Variants in DNAJC11 observed in about 807,000 individuals in gnomAD.
DNAJC11 encodes the protein DnaJ heat shock protein family (Hsp40) member C11.
In DNAJC11, 15 loss-of-function variants were observed where a neutral mutation model predicts 78.6. That is an observed-to-expected ratio of 0.19 (90% CI 0.13 to 0.29). The LOEUF is 0.29. DNAJC11 is among the 10% of genes least tolerant of loss of function. DNAJC11 has a pLI of 1.00. For missense variants in DNAJC11, 547 were observed against 709.6 expected, an observed-to-expected ratio of 0.77 and a Z score of 2.60; for synonymous variants, 292 against 272.1, an observed-to-expected ratio of 1.07 and a Z score of -0.72.
Position 6,645,967 on chromosome 1 carries a change from G to A in DNAJC11, c.716C>T (p.Thr239Ile). ...RNLTPRCFVT[T>I]NCALQFSSRG... The stretch of plus-strand genomic sequence containing the variant: ...GGATGAAAACTGCAGAGCACAGTTT[G>A]TTGTCACAAAGCTGGAGAGACACAG... Residue 239 changes from threonine to isoleucine, a missense_variant, in exon 8 of 16, where the codon ACA (threonine) becomes ATA (isoleucine). Coordinates refer to ENST00000377577, the MANE Select transcript of DNAJC11 (RefSeq NM_018198.4). This position sits in a 1 kb window ranked among gnomAD's most constrained non-coding sequence, Gnocchi z 4.1. 3 of 1,614,106 alleles carry A rather than the reference G, an allele frequency of 1.9e-6. No individual in the cohort carries two copies. The highest frequency in any genetic ancestry group is 2.5e-6 in the Non-Finnish European group (3 of 1,179,978).
At chr1:6,681,679 C>T (rs892993112) in intron 1 of DNAJC11, among the ~76,000 whole-genome samples, 5 of 152,078 alleles carry the variant, frequency 3.3e-5, no homozygotes, top group East Asian at 1.9e-4. Flanking sequence ...ACAAGGCAGA[C>T]GGGCTCTGGT....
At chr1:6,678,239 A>G (rs1642502961) in intron 3 of DNAJC11, among the ~76,000 whole-genome samples, 155 bp downstream of exon 3, 1 of 152,154 alleles carries the variant, frequency 6.6e-6, no homozygotes, top group Non-Finnish European at 1.5e-5. Flanking sequence ...CAAGTCCAAA[A>G]CTCAACCTCT....
intron 2 of DNAJC11, among the ~76,000 whole-genome samples, chr1:6,678,746 G>C (rs960137255): frequency 6.6e-6 from 1 of 152,120 alleles, no homozygotes; most frequent in Non-Finnish European, 1.5e-5. Flanking sequence ...TTGAATTCCT[G>C]GGCTTAACTA....
chr1:6,693,330 T>G (rs1642777445), intron 1 of DNAJC11, among the ~76,000 whole-genome samples: 1 of 152,168 alleles, frequency 6.6e-6, no homozygotes, highest in South Asian at 2.1e-4. Context: ...AAGTATGTCT[T>G]TCACATTTTT....
chr1:6,673,991 T>C (rs1642422141), intron 3 of DNAJC11, among the ~76,000 whole-genome samples: 1 of 152,198 alleles, frequency 6.6e-6, no homozygotes, highest in East Asian at 1.9e-4. Flanking sequence ...TAATCTAACA[T>C]CTGAAAGTGA....
rs190084862 is a variant in DNAJC11 at position 6,670,827 on chromosome 1, A to G, written c.277-3017T>C. On this transcript the variant is annotated intron_variant, in intron 3 of 15. Coordinates refer to ENST00000377577, the MANE Select transcript of DNAJC11 (RefSeq NM_018198.4). ...CTATCTACAGCACTCTCACTTGCCA[A>G]TACCACCCATCCTGACATAGACAAA... The G allele has an allele frequency of 7.9e-5, 12 of 152,304 alleles. No individual in the cohort carries two copies. In the East Asian group the frequency reaches 2.1e-3, roughly 27 times the overall value. The allele number at this position is 152,304 out of a possible 1,614,324, so 9.4% of individuals were successfully genotyped here. A position where few individuals can be genotyped will look rare whatever the true frequency, so the allele number is the denominator to read the frequency against.
intron 1 of DNAJC11, among the ~76,000 whole-genome samples, chr1:6,685,232 G>A (rs1227864414): frequency 1.3e-5 from 2 of 152,258 alleles, no homozygotes; most frequent in African/African-American, 2.4e-5. Flanking sequence ...GGCTAGGCTA[G>A]ATCAGTGGTT....
chr1:6,701,642 CG>C, intron 1 of DNAJC11, 86 bp downstream of exon 1: 1 of 1,367,022 alleles, frequency 7.3e-7, no homozygotes, highest in Non-Finnish European at 9.7e-7. Flanking sequence ...CCTCCCGTGG[CG>C]GGGGTGGGGC....
At chr1:6,652,707 G>C in intron 6 of DNAJC11, 122 bp downstream of exon 6, 1 of 1,320,286 alleles carries the variant, frequency 7.6e-7, no homozygotes. Context: ...CTTGACACTT[G>C]GTACCGTTCT....
At chr1:6,685,231 A>C (rs1348778623) in intron 1 of DNAJC11, among the ~76,000 whole-genome samples, 2 of 152,236 alleles carry the variant, frequency 1.3e-5, no homozygotes, top group Non-Finnish European at 2.9e-5. Context: ...AGGCTAGGCT[A>C]GATCAGTGGT....
At chr1:6,646,769 A>G (rs958420397) in intron 7 of DNAJC11, among the ~76,000 whole-genome samples, 1 of 152,276 alleles carries the variant, frequency 6.6e-6, no homozygotes, top group Non-Finnish European at 1.5e-5. Context: ...TGAAGGGTAA[A>G]CTAACAGCTG....
chr1:6,642,565 C>T (rs1317092595), intron 10 of DNAJC11, among the ~76,000 whole-genome samples: 1 of 152,078 alleles, frequency 6.6e-6, no homozygotes, highest in Non-Finnish European at 1.5e-5. Flanking sequence ...GGAGGCTGGG[C>T]GCTGTGGCTC....
chr1:6,697,498 C>T (rs1011371339), intron 1 of DNAJC11, among the ~76,000 whole-genome samples: 5 of 152,196 alleles, frequency 3.3e-5, no homozygotes, highest in African/African-American at 1.2e-4. Context: ...GGTTCATGCT[C>T]CTATGAGAAG....
intron 4 of DNAJC11, among the ~76,000 whole-genome samples, chr1:6,659,723 T>C (rs1044936691): frequency 3.3e-5 from 5 of 151,932 alleles, no homozygotes; most frequent in African/African-American, 1.2e-4. Flanking sequence ...ACAGTGCCAC[T>C]GCACTCCAGC....
intron 10 of DNAJC11, among the ~76,000 whole-genome samples, 199 bp downstream of exon 10, chr1:6,644,359 C>T (rs1641933619): frequency 6.6e-6 from 1 of 152,208 alleles, no homozygotes; most frequent in African/African-American, 2.4e-5. Flanking sequence ...GTCTCAAACT[C>T]CTGACCTCAG....
In DNAJC11 at chr1:6,652,959, TG is replaced by T. The variant is rs769115721; in HGVS notation, c.508-9del. ...TGTCGCTGTCAAGGGTGCCTAAAAA[TG>T]GTATTTGCTGGTAATGAATGAATCA... On this transcript the variant is annotated splice_polypyrimidine_tract_variant and intron_variant, in intron 5 of 15. Coordinates refer to ENST00000377577, the MANE Select transcript of DNAJC11 (RefSeq NM_018198.4). 4.9e-4 allele frequency: 798 copies of T among 1,613,938 alleles called. No individual in the cohort carries two copies. Among genetic ancestry groups the T allele is most frequent in the Non-Finnish European group, 6.3e-4 (744 of 1,179,930 alleles).
chr1:6,638,812 T>C (rs933092098), intron 11 of DNAJC11, among the ~76,000 whole-genome samples: 1 of 152,164 alleles, frequency 6.6e-6, no homozygotes. Flanking sequence ...CAGGCGTGAG[T>C]TGTTAAATAA....
chr1:6,654,058 C>T lies in DNAJC11; in HGVS notation c.379-19G>A, dbSNP rs774894835. 1.2e-6 allele frequency: 2 copies of T among 1,610,152 alleles called. No homozygotes were observed. The highest frequency in any genetic ancestry group is 2.2e-5 in the South Asian group (2 of 90,948). ...TCGTTCCCTGGGGCAGAAAAACAAG[C>T]CGTCAGCAGAACGGGTGGTATTTGT... On this transcript the variant is annotated intron_variant, in intron 4 of 15. Transcript: ENST00000377577.
At chr1:6,670,659 T>G (rs555014890) in intron 3 of DNAJC11, 1 of 152,206 alleles carries the variant, frequency 6.6e-6, no homozygotes, top group Non-Finnish European at 1.5e-5. Context: ...AAAAAGATTG[T>G]TAAAATCATC....
Sources: gnomAD v4.1 joint callset for allele counts (sites outside exome capture counted in the v4.1 genomes callset) on GRCh38, gnomAD v4.1.1 for gene constraint, Gnocchi (gnomAD v3.1) non-coding constraint, MANE v1.5 for transcripts, NCBI Gene and HGNC (gene_info 2026-07-23, HGNC 2026-07-21) for gene names.